Variants in CSMD1 observed in about 807,000 individuals in gnomAD.
The protein encoded by CSMD1 is CUB and sushi domain-containing protein 1.
CSMD1 carries 213 observed loss-of-function variants against 417.5 expected under a neutral mutation model. The ratio of observed to expected loss-of-function variants is 0.51; its 90% CI spans 0.46 to 0.57. The LOEUF (loss-of-function observed/expected upper bound fraction) is 0.57, where lower values mean the gene tolerates loss of function less well. CSMD1 is among the 20% of genes least tolerant of loss of function. The pLI is 0.00. For synonymous variants in CSMD1, 2,862 were observed against 1,736.8 expected, an observed-to-expected ratio of 1.65 and a Z score of -16.11; for missense variants, 6,923 against 4,529.7, an observed-to-expected ratio of 1.53 and a Z score of -15.17.
At chr8:4,016,663 T>A (rs1248327281) in intron 4 of CSMD1, among the ~76,000 whole-genome samples, 1 of 152,214 alleles carries the variant, frequency 6.6e-6, no homozygotes, top group Non-Finnish European at 1.5e-5. Flanking sequence ...TTTGTCTTAC[T>A]CTGTAAAGCA....
At chr8:4,457,387 G>C (rs1044514395) in intron 2 of CSMD1, among the ~76,000 whole-genome samples, 7 of 152,104 alleles carry the variant, frequency 4.6e-5, no homozygotes, top group African/African-American at 9.7e-5. Flanking sequence ...CCGAGGTCTG[G>C]AACAGGAAGG....
chr8:3,211,198 C>T (rs1249696813), intron 30 of CSMD1, among the ~76,000 whole-genome samples: 2 of 152,092 alleles, frequency 1.3e-5, no homozygotes, highest in Non-Finnish European at 2.9e-5. Flanking sequence ...GTGTGCACCA[C>T]CCCACACAGC....
intron 58 of CSMD1, 106 bp downstream of exon 58, chr8:2,966,464 T>C (rs977677338): frequency 4.0e-6 from 4 of 1,001,474 alleles, no homozygotes; most frequent in Admixed American, 2.9e-5. Context: ...TTTTCCTCTA[T>C]GAATTAAAAA....
intron 39 of CSMD1, among the ~76,000 whole-genome samples, chr8:3,157,578 G>A (rs1485153689): frequency 6.6e-6 from 1 of 152,182 alleles, no homozygotes; most frequent in African/African-American, 2.4e-5. Flanking sequence ...CAGACCAGCT[G>A]CATTCCTTCT....
chr8:2,974,917 A>G (rs550658036), intron 55 of CSMD1, among the ~76,000 whole-genome samples: 49 of 152,280 alleles, frequency 3.2e-4, no homozygotes, highest in Middle Eastern at 6.8e-3. Flanking sequence ...TACTGCCTAC[A>G]TTTTTCCATC....
chr8:3,439,261 G>C lies in CSMD1; in HGVS notation c.1561+29451C>G, dbSNP rs1332218168. 4.1e-5 allele frequency among the ~76,000 whole-genome samples: 5 copies of C among 121,790 alleles called. No individual in the cohort carries two copies. The East Asian group carries it at 1.2e-3, about 30-fold the overall frequency. 79.9% of individuals were successfully genotyped at this position (121,790 alleles called of 152,430 possible). A position where few individuals can be genotyped will look rare whatever the true frequency, so the allele number is the denominator to read the frequency against. Reference sequence around the variant, plus strand: ...TTTGAGTGACTCAACTTCTCTATTTGAGAGCATTTGGCAATGTCAGTATAT... The same window carrying C: ...TTTGAGTGACTCAACTTCTCTATTTCAGAGCATTTGGCAATGTCAGTATAT... On this transcript the variant is annotated intron_variant, in intron 12 of 69. Transcript: ENST00000635120.
intron 2 of CSMD1, among the ~76,000 whole-genome samples, chr8:4,461,480 G>A (rs1250093164): frequency 7.4e-6 from 1 of 134,594 alleles, no homozygotes; most frequent in Non-Finnish European, 1.5e-5. Context: ...AAAACTATTA[G>A]AATTTAAGAA....
intron 3 of CSMD1, among the ~76,000 whole-genome samples, chr8:4,197,496 C>T (rs986299071): frequency 6.6e-6 from 1 of 152,194 alleles, no homozygotes; most frequent in Non-Finnish European, 1.5e-5. Flanking sequence ...GGAAAACTGA[C>T]TCTCTGTCAA....
intron 30 of CSMD1, among the ~76,000 whole-genome samples, chr8:3,209,382 T>C (rs1407124928): frequency 6.6e-6 from 1 of 152,148 alleles, no homozygotes; most frequent in East Asian, 1.9e-4. Flanking sequence ...AGTGGCGTGA[T>C]CTCGGCTCAC....
chr8:4,468,854 G>C (rs565913364), intron 2 of CSMD1, among the ~76,000 whole-genome samples: 1 of 152,114 alleles, frequency 6.6e-6, no homozygotes, highest in African/African-American at 2.4e-5. Flanking sequence ...TATCAATTAA[G>C]CTAATTATAA....
At chr8:4,323,911 C>T (rs1273324880) in intron 3 of CSMD1, among the ~76,000 whole-genome samples, 1 of 152,116 alleles carries the variant, frequency 6.6e-6, no homozygotes, top group Non-Finnish European at 1.5e-5. Flanking sequence ...AGTTCTGAGC[C>T]TGGGGGTGGC....
chr8:3,383,720 T>C (rs1048539873), intron 18 of CSMD1, among the ~76,000 whole-genome samples: 20 of 152,018 alleles, frequency 1.3e-4, no homozygotes, highest in Admixed American at 1.3e-4. Flanking sequence ...TTCAGTAAGA[T>C]AAACGCATGT....
chr8:3,512,944 G>A (rs1002380754), intron 10 of CSMD1, among the ~76,000 whole-genome samples: 4 of 152,026 alleles, frequency 2.6e-5, no homozygotes. Flanking sequence ...TAACCATAGA[G>A]AGCCACAGAT....
intron 1 of CSMD1, among the ~76,000 whole-genome samples, chr8:4,852,392 C>T (rs1455943659): frequency 6.6e-6 from 1 of 152,124 alleles, no homozygotes; most frequent in Non-Finnish European, 1.5e-5. Context: ...TCTCCTCTCT[C>T]TCTCGTTCTC....
At chr8:4,574,368 C>T (rs1301990057) in intron 2 of CSMD1, among the ~76,000 whole-genome samples, 3 of 152,164 alleles carry the variant, frequency 2.0e-5, no homozygotes, top group Non-Finnish European at 2.9e-5. Flanking sequence ...CTTCCCTTGG[C>T]TAGGAGAGGG....
intron 2 of CSMD1, among the ~76,000 whole-genome samples, chr8:4,597,603 A>G (rs1287197180): frequency 2.0e-5 from 3 of 152,234 alleles, no homozygotes; most frequent in African/African-American, 7.2e-5. Context: ...AGAAATGAAA[A>G]TGGAATATTT....
At chr8:4,339,596 C>T (rs926301904) in intron 3 of CSMD1, among the ~76,000 whole-genome samples, 2 of 152,090 alleles carry the variant, frequency 1.3e-5, no homozygotes, top group African/African-American at 4.8e-5. Flanking sequence ...GTGCAAAGAA[C>T]AGGTGGGAAA....
At chr8:3,345,688 C>G (rs978153217) in intron 22 of CSMD1, among the ~76,000 whole-genome samples, 3 of 152,180 alleles carry the variant, frequency 2.0e-5, no homozygotes, top group African/African-American at 7.2e-5. Context: ...CTGTAAGTAT[C>G]TGCACTACAA....
intron 3 of CSMD1, among the ~76,000 whole-genome samples, chr8:4,140,550 C>A (rs1461756163): frequency 6.6e-6 from 1 of 150,978 alleles, no homozygotes; most frequent in Non-Finnish European, 1.5e-5. Flanking sequence ...CACCTGTAGT[C>A]TCAGCTACTA....
Sources: gnomAD v4.1 joint callset for allele counts (sites outside exome capture counted in the v4.1 genomes callset) on GRCh38, gnomAD v4.1.1 for gene constraint, MANE v1.5 for transcripts, NCBI Gene and HGNC (gene_info 2026-07-23, HGNC 2026-07-21) for gene names.